Variants in DENND2B observed in about 807,000 individuals in gnomAD.
The protein encoded by DENND2B is DENN domain-containing protein 2B.
Under a neutral mutation model 116.0 loss-of-function variants are expected in DENND2B, and 32 were observed. The observed-to-expected ratio is 0.28, with a 90% CI of 0.21 to 0.37. The LOEUF is 0.37. Ranked by LOEUF, DENND2B falls within the 10% of genes least tolerant of loss-of-function variation. The pLI is 1.00. For synonymous variants in DENND2B, 588 were observed against 583.9 expected (o/e 1.01, Z -0.10); for missense variants, 1,276 against 1,477.7 (o/e 0.86, Z 2.24).
At chr11:8,810,416 C>T (rs959089727) in intron 1 of DENND2B, 101 bp downstream of exon 1, 1 of 152,120 alleles carries the variant, frequency 6.6e-6, no homozygotes, top group African/African-American at 2.4e-5. Context: ...AGCCCCAAAC[C>T]CCGAGCAGAG....
intron 4 of DENND2B, among the ~76,000 whole-genome samples, chr11:8,834,582 A>G (rs1312710314): frequency 6.6e-6 from 1 of 152,240 alleles, no homozygotes; most frequent in Non-Finnish European, 1.5e-5. Context: ...GGCATGGCAC[A>G]TTCCAGCTCC....
intron 1 of DENND2B, among the ~76,000 whole-genome samples, chr11:8,769,905 C>T (rs2056558160): frequency 6.6e-6 from 1 of 152,164 alleles, no homozygotes; most frequent in South Asian, 2.1e-4. Flanking sequence ...CCAAGGCAGG[C>T]AGATCACCTG....
intron 3 of DENND2B, among the ~76,000 whole-genome samples, chr11:8,853,967 G>A (rs1424828644): frequency 7.0e-6 from 1 of 143,768 alleles, no homozygotes; most frequent in African/African-American, 2.6e-5. Context: ...TCCCCCCTCA[G>A]CCTCCTAAAG....
intron 1 of DENND2B, among the ~76,000 whole-genome samples, chr11:8,802,865 T>G (rs1196355808): frequency 6.6e-6 from 1 of 152,200 alleles, no homozygotes; most frequent in Non-Finnish European, 1.5e-5. Context: ...CTCCTTGTAC[T>G]GCCCTACGCA....
chr11:8,740,158 T>C (rs1473557403), intron 2 of DENND2B, among the ~76,000 whole-genome samples: 1 of 149,386 alleles, frequency 6.7e-6, no homozygotes, highest in Non-Finnish European at 1.5e-5. Context: ...CATGGCACTC[T>C]AGCCTGGGCA....
intron 4 of DENND2B, among the ~76,000 whole-genome samples, chr11:8,823,903 CTTT>C (rs71059183): frequency 1.1e-4 from 13 of 123,050 alleles, no homozygotes; most frequent in Admixed American, 2.6e-4. Context: ...TCTTCTTCTT[CTTT>C]TTTTTTTTTT....
At chr11:8,726,915 T>G (rs977810305) in intron 3 of DENND2B, among the ~76,000 whole-genome samples, 6 of 152,210 alleles carry the variant, frequency 3.9e-5, no homozygotes, top group African/African-American at 1.4e-4. Context: ...GGAGGACAAT[T>G]TGCAGCCAGA....
chr11:8,840,704 G>A (rs1229711958), intron 3 of DENND2B, among the ~76,000 whole-genome samples: 2 of 152,170 alleles, frequency 1.3e-5, no homozygotes, highest in Admixed American at 1.3e-4. Context: ...TATTGGGCAG[G>A]AAGGGTGCTG....
At chr11:8,851,806 A>G (rs2063018674) in intron 3 of DENND2B, among the ~76,000 whole-genome samples, 1 of 152,222 alleles carries the variant, frequency 6.6e-6, no homozygotes, top group Non-Finnish European at 1.5e-5. Context: ...AATTCGTTTT[A>G]AAGTATTCAT....
exon 1 of DENND2B, chr11:8,910,946 A>ACCCCCGACCCCCGACCCCCGG (rs1555224315): frequency 5.9e-5 from 1 of 16,962 alleles, no homozygotes; most frequent in African/African-American, 1.2e-4. Context: ...CCGACCCCCG[A>ACCCCCGACCCCCGACCCCCGG]CCCCCGGCCC....
intron 1 of DENND2B, chr11:8,794,976 G>A (rs1414101987): frequency 6.6e-6 from 1 of 152,238 alleles, no homozygotes; most frequent in Non-Finnish European, 1.5e-5. Context: ...CTAATCAACA[G>A]AACACATTCT....
intron 1 of DENND2B, among the ~76,000 whole-genome samples, chr11:8,781,910 C>A (rs1017764003): frequency 6.6e-6 from 1 of 152,120 alleles, no homozygotes; most frequent in African/African-American, 2.4e-5. Context: ...CTGGAAAATA[C>A]TGAGAAGCAT....
At chr11:8,696,334 G>A (rs2040352636) in intron 18 of DENND2B, 93 bp downstream of exon 18, 1 of 1,539,876 alleles carries the variant, frequency 6.5e-7, no homozygotes, top group Non-Finnish European at 8.8e-7. Context: ...CCTGGCCCTA[G>A]CTGATGTCCA....
chr11:8,850,011 C>CT (rs879843517), intron 3 of DENND2B, among the ~76,000 whole-genome samples: 2,569 of 146,936 alleles, frequency 0.017, 35 homozygotes, highest in African/African-American at 0.025. Context: ...GGTACATGCC[C>CT]ATAATCCCAG....
intron 3 of DENND2B, among the ~76,000 whole-genome samples, chr11:8,727,405 TC>T (rs2047259475): frequency 6.6e-6 from 1 of 152,178 alleles, no homozygotes; most frequent in Admixed American, 6.5e-5. Context: ...TATTGACATC[TC>T]CTCCGTGTGC....
intron 1 of DENND2B, among the ~76,000 whole-genome samples, chr11:8,884,315 TG>T (rs1009196346): frequency 2.6e-5 from 4 of 151,852 alleles, no homozygotes; most frequent in Non-Finnish European, 4.4e-5. Context: ...GGACTTCCTT[TG>T]TTTTTTTGTT....
At chr11:8,708,003 C>T (rs2042917256) in intron 11 of DENND2B, 149 bp from the exon 12 acceptor site, 3 of 1,528,984 alleles carry the variant, frequency 2.0e-6, no homozygotes, top group South Asian at 1.2e-5. Context: ...TCTCTGCAAC[C>T]AGAGCCCTGA....
chr11:8,879,860 A>T (rs2063883163), intron 2 of DENND2B, among the ~76,000 whole-genome samples: 1 of 152,228 alleles, frequency 6.6e-6, no homozygotes, highest in Admixed American at 6.5e-5. Flanking sequence ...CCAAATTCAC[A>T]TGCTTAGTGA....
At chr11:8,868,337 C>T (rs2063657685) in intron 2 of DENND2B, among the ~76,000 whole-genome samples, 1 of 152,252 alleles carries the variant, frequency 6.6e-6, no homozygotes, top group Admixed American at 6.5e-5. Flanking sequence ...TCACCTTAAT[C>T]TTCTAAAATC....
Sources: allele counts gnomAD v4.1 joint callset (sites outside exome capture counted in the v4.1 genomes callset), GRCh38; gene constraint gnomAD v4.1.1; transcripts MANE v1.5; gene names NCBI Gene and HGNC (gene_info 2026-07-23, HGNC 2026-07-21).